Variants in CTNNA1 observed in about 807,000 individuals in gnomAD.
CTNNA1 encodes catenin alpha-1.
Under a neutral mutation model 98.4 loss-of-function variants are expected in CTNNA1, and 37 were observed. The ratio of observed to expected loss-of-function variants is 0.38; its 90% confidence interval spans 0.29 to 0.49. The LOEUF is 0.49. CTNNA1 is among the 20% of genes least tolerant of loss of function. The probability of loss-of-function intolerance (pLI) is 0.95; values close to 1 mark genes in which losing one functional copy is unlikely to be tolerated. For synonymous variants in CTNNA1, 404 were observed against 413.2 expected (o/e 0.98, Z 0.27); for missense variants, 761 against 1,147.2 (o/e 0.66, Z 4.86).
rs1443809849 is a variant in CTNNA1 at position 138,811,277 on chromosome 5, C to T, written c.469-906C>T. 2.4e-4 allele frequency among the ~76,000 whole-genome samples: 32 copies of T among 132,270 alleles called. No individual in the cohort carries two copies. In the East Asian group the frequency reaches 3.0e-3, roughly 13 times the overall value. The allele number at this position is 132,270 out of a possible 152,430, so 86.8% of individuals were successfully genotyped here. A position where few individuals can be genotyped will look rare whatever the true frequency, so the allele number is the denominator to read the frequency against. On this transcript the variant is annotated intron_variant, in intron 4 of 17. Transcript: ENST00000302763. Reference sequence around the variant, plus strand: ...GCAGAGGCGCTCCTCACATCCCAGACGGGGCGGCGGGGCAGAGGCGCTCCC... The same window carrying T: ...GCAGAGGCGCTCCTCACATCCCAGATGGGGCGGCGGGGCAGAGGCGCTCCC...
chr5:138,829,108 C>T (rs535751104), intron 7 of CTNNA1, among the ~76,000 whole-genome samples: 243 of 151,560 alleles, frequency 1.6e-3, no homozygotes, highest in Non-Finnish European at 2.3e-3. Flanking sequence ...GGCGACAGAG[C>T]GAGAGTGTCT....
intron 7 of CTNNA1, among the ~76,000 whole-genome samples, chr5:138,855,070 ACT>A (rs1248562639): frequency 6.6e-6 from 1 of 152,130 alleles, no homozygotes; most frequent in Non-Finnish European, 1.5e-5. Flanking sequence ...ACGGAGTCTC[ACT>A]CTGTCACCCA....
chr5:138,917,329 T>C (rs1213260088), intron 10 of CTNNA1, among the ~76,000 whole-genome samples: 1 of 152,238 alleles, frequency 6.6e-6, no homozygotes, highest in East Asian at 1.9e-4. Flanking sequence ...ATAGAATATA[T>C]ACTTAGTGTT....
intron 7 of CTNNA1, among the ~76,000 whole-genome samples, chr5:138,832,676 T>C (rs1487021855): frequency 1.3e-5 from 2 of 152,254 alleles, no homozygotes; most frequent in African/African-American, 4.8e-5. Flanking sequence ...TTTTTTTCTT[T>C]TCTTCTTCTA....
At chr5:138,932,812 A>G (rs754188407) in intron 17 of CTNNA1, 100 bp downstream of exon 17, 5 of 1,445,430 alleles carry the variant, frequency 3.5e-6, no homozygotes, top group South Asian at 1.1e-5. Context: ...GCCCTGGGAA[A>G]GTGTGCTGTG....
At chr5:138,883,946 C>G (rs1218483027) in intron 7 of CTNNA1, among the ~76,000 whole-genome samples, 1 of 152,172 alleles carries the variant, frequency 6.6e-6, no homozygotes, top group Non-Finnish European at 1.5e-5. Flanking sequence ...CTCAAGCTGA[C>G]TAGTGTCAAC....
At chr5:138,845,957 C>A (rs535936839) in intron 7 of CTNNA1, among the ~76,000 whole-genome samples, 1 of 151,704 alleles carries the variant, frequency 6.6e-6, no homozygotes, top group African/African-American at 2.4e-5. Flanking sequence ...GACAGATTCT[C>A]GCTGTCTGGC....
chr5:138,873,466 G>A lies in CTNNA1; in HGVS notation c.1063-12746G>A, dbSNP rs1750899524. On this transcript the variant is annotated intron_variant, in intron 7 of 17. Transcript: ENST00000302763. The surrounding 1 kb of genome is among the most constrained non-coding windows in gnomAD (Gnocchi z 6.1). ...AAGTTGTAGCCATGACAGTGACAGTGGTTGACAAATTCCAGCAGAGCTGAA... is the reference window on the plus strand; with the variant it reads ...AAGTTGTAGCCATGACAGTGACAGTAGTTGACAAATTCCAGCAGAGCTGAA... The A allele has an allele frequency of 6.2e-7, 1 of 1,613,968 alleles. No homozygotes were observed. The highest frequency in any genetic ancestry group is 8.5e-7 in the Non-Finnish European group (1 of 1,179,886).
chr5:138,766,458 T>TG (rs966710460), intron 1 of CTNNA1, among the ~76,000 whole-genome samples: 7 of 150,418 alleles, frequency 4.7e-5, no homozygotes, highest in South Asian at 2.1e-4. Context: ...TTTGTTTTTT[T>TG]TTTTTTTTCA....
At chr5:138,757,685 A>G (rs960237797) in intron 1 of CTNNA1, among the ~76,000 whole-genome samples, 1 of 152,214 alleles carries the variant, frequency 6.6e-6, no homozygotes, top group Non-Finnish European at 1.5e-5. Flanking sequence ...CTTTACTGCT[A>G]GGAAGGGAGC....
intron 7 of CTNNA1, among the ~76,000 whole-genome samples, chr5:138,834,896 G>A (rs1422688884): frequency 2.0e-5 from 3 of 152,122 alleles, no homozygotes; most frequent in Non-Finnish European, 2.9e-5. Context: ...GAAGGGTGGC[G>A]GGATTATCAT....
rs1193031885 is a variant in CTNNA1, at chr5:138,831,022, AATCACCT to A, written c.1062+3306_1062+3312del. ...CAAATTATGTTATGTGGAGAATTGA[AATCACCT>A]ACATTAATTAATACTTGTTTACTAC... On this transcript the variant is annotated intron_variant, in intron 7 of 17. Coordinates refer to ENST00000302763, the MANE Select transcript of CTNNA1 (RefSeq NM_001903.5). Among the ~76,000 whole-genome samples the A allele has an allele frequency of 7.9e-5, 12 of 152,342 alleles. No individual in the cohort carries two copies. The South Asian group carries it at 1.0e-3, about 13-fold the overall frequency.
At chr5:138,900,378 G>GTTTTTTTTTTTTTTTTTTT (rs1246698969) in intron 9 of CTNNA1, among the ~76,000 whole-genome samples, 8 of 152,090 alleles carry the variant, frequency 5.3e-5, no homozygotes, top group African/African-American at 1.9e-4. Context: ...GGTATAAACT[G>GTTTTTTTTTTTTTTTTTTT]TTATGAGAGT....
intron 11 of CTNNA1, 115 bp downstream of exon 11, chr5:138,918,013 A>G: frequency 9.1e-7 from 1 of 1,098,484 alleles, no homozygotes; most frequent in East Asian, 2.4e-5. Context: ...TCTAACAATA[A>G]TATTGTGCTG....
intron 1 of CTNNA1, among the ~76,000 whole-genome samples, chr5:138,759,715 G>A (rs575398474): frequency 1.3e-5 from 2 of 152,304 alleles, no homozygotes; most frequent in South Asian, 4.1e-4. Context: ...CTTGCAAGCT[G>A]TTTCAGGAAT....
At chr5:138,837,526 T>TCTCCTCCCC (rs1761902866) in intron 7 of CTNNA1, among the ~76,000 whole-genome samples, 1 of 90,760 alleles carries the variant, frequency 1.1e-5, no homozygotes, top group Admixed American at 1.5e-4. Context: ...CTCCCCTCCC[T>TCTCCTCCCC]CTCCTCCCCC....
Position 138,927,169 on chromosome 5 carries a change from A to G in CTNNA1, c.1899+1762A>G, listed in dbSNP as rs556581187. ...TCCCATCCTGGGTGCCTACAGTCTC[A>G]TGAGCCACAGGGCAGCCAGAGCGAT... On this transcript the variant is annotated intron_variant, in intron 13 of 17. Coordinates refer to ENST00000302763, the MANE Select transcript of CTNNA1 (RefSeq NM_001903.5). Among the ~76,000 whole-genome samples the G allele has an allele frequency of 7.3e-4, 111 of 152,234 alleles. 1 individual carries two copies. The highest frequency in any genetic ancestry group is 2.6e-3 in the African/African-American group (106 of 41,536).
chr5:138,847,130 G>T (rs778365552), intron 7 of CTNNA1, among the ~76,000 whole-genome samples: 2 of 152,174 alleles, frequency 1.3e-5, no homozygotes, highest in Non-Finnish European at 2.9e-5. Flanking sequence ...AAAAGATGTA[G>T]CAGAAGTTTT....
intron 3 of CTNNA1, among the ~76,000 whole-genome samples, chr5:138,789,575 A>G (rs1018171371): frequency 6.6e-6 from 1 of 152,180 alleles, no homozygotes; most frequent in Non-Finnish European, 1.5e-5. Context: ...CTCCTGCCTC[A>G]GCCTCCTGAG....
Sources: gnomAD v4.1 joint callset for allele counts (sites outside exome capture counted in the v4.1 genomes callset) on GRCh38, gnomAD v4.1.1 for gene constraint, Gnocchi (gnomAD v3.1) non-coding constraint, MANE v1.5 for transcripts, NCBI Gene and HGNC (gene_info 2026-07-23, HGNC 2026-07-21) for gene names.